OR2C1: variants seen among roughly 807,000 people sequenced by gnomAD.
The protein encoded by OR2C1 is olfactory receptor family 2 subfamily C member 1, also known as olfactory receptor 2C1.
For synonymous variants in OR2C1, 209 were observed against 167.3 expected (o/e 1.25, Z -1.92); for missense variants, 468 against 388.3 (o/e 1.21, Z -1.73).
chr16:3,336,674 CTTTTT>C, the OR2C1 span, among the ~76,000 whole-genome samples: 2 of 116,288 alleles, frequency 1.7e-5, no homozygotes, highest in Non-Finnish European at 3.3e-5. Context: ...GTTTCTTTTT[CTTTTT>C]TTTTTTTTCT....
Position 3,356,585 on chromosome 16 carries a change from G to A in OR2C1, c.645G>A (p.Val215=), listed in dbSNP as rs774311419. Residue 215 remains valine, a synonymous_variant, in exon 1 of 1, where the codon GTG becomes GTA. Coordinates refer to ENST00000304936, the MANE Select transcript of OR2C1 (RefSeq NM_012368.3). ...FFTAVPLSII[V]ISYCLIAQAV... ...CTGCAGTCCCACTAAGCATCATCGT[G>A]ATCTCCTACTGCCTCATTGCTCAGG... The A allele has an allele frequency of 6.2e-7, 1 of 1,614,138 alleles. No homozygotes were observed. The highest frequency in any genetic ancestry group is 8.5e-7 in the Non-Finnish European group (1 of 1,180,034).
At chr16:3,347,180 G>T in the OR2C1 span, among the ~76,000 whole-genome samples, 1 of 147,990 alleles carries the variant, frequency 6.8e-6, no homozygotes, top group South Asian at 2.2e-4. Context: ...CCGGGAGGCA[G>T]AGGTTGCAGT....
At chr16:3,323,490 T>G in the OR2C1 span, 1 of 737,140 alleles carries the variant, frequency 1.4e-6, no homozygotes, top group South Asian at 1.4e-5. Context: ...CGGACAGACT[T>G]CAGATTTGGA....
the OR2C1 span, among the ~76,000 whole-genome samples, chr16:3,331,354 G>A: frequency 6.6e-6 from 1 of 151,218 alleles, no homozygotes; most frequent in African/African-American, 2.4e-5. Context: ...TCACTCTGAT[G>A]GTAGTTTCTT....
chr16:3,356,552 C>G lies in OR2C1; in HGVS notation c.612C>G (p.Thr204=). The G allele has an allele frequency of 6.2e-7, 1 of 1,614,194 alleles. No individual in the cohort carries two copies. The highest frequency in any genetic ancestry group is 1.1e-5 in the South Asian group (1 of 91,090). The change falls in exon 1 of 1, where the codon ACC becomes ACG. Residue 204 remains threonine (T), a synonymous_variant. Coordinates refer to ENST00000304936, the MANE Select transcript of OR2C1 (RefSeq NM_012368.3). ...AGGCTGTGCTCAATGGTGTCTGCAC[C>G]TTCTTCACTGCAGTCCCACTAAGCA... The part of the protein sequence containing the change: ...LNQAVLNGVC[T]FFTAVPLSII...
chr16:3,348,285 T>C, the OR2C1 span, among the ~76,000 whole-genome samples: 1 of 152,132 alleles, frequency 6.6e-6, no homozygotes, highest in East Asian at 1.9e-4. Flanking sequence ...AGACCAATGA[T>C]GACAGTGAGC....
the OR2C1 span, among the ~76,000 whole-genome samples, chr16:3,330,832 C>G: frequency 6.6e-6 from 1 of 152,096 alleles, no homozygotes; most frequent in Non-Finnish European, 1.5e-5. Flanking sequence ...ATTTCAAATT[C>G]CTGGGCTCAA....
the OR2C1 span, among the ~76,000 whole-genome samples, chr16:3,330,610 ATATG>A: frequency 6.6e-6 from 1 of 152,216 alleles, no homozygotes; most frequent in African/African-American, 2.4e-5. Flanking sequence ...GATACATAAT[ATATG>A]TATGTATGTG....
In OR2C1 at chr16:3,356,393, T is replaced by G. The variant is rs761617073; in HGVS notation, c.453T>G (p.Gly151=). The G allele has an allele frequency of 5.6e-6, 9 of 1,613,548 alleles. No individual in the cohort carries two copies. In the East Asian group the frequency reaches 1.1e-4, roughly 20 times the overall value. ...CWLLAVIACL[G]GLGNSVIQST... ...TGCTGGCTGTGATTGCCTGCCTGGG[T>G]GGCTTGGGCAACTCTGTGATCCAGT... The change falls in exon 1 of 1, where the codon GGT becomes GGG. Residue 151 remains glycine, a synonymous_variant. Coordinates refer to ENST00000304936, the MANE Select transcript of OR2C1 (RefSeq NM_012368.3).
chr16:3,357,057 C>A lies in OR2C1; in HGVS notation c.*178C>A. 1 of 608,596 alleles carries A rather than the reference C, an allele frequency of 1.6e-6. No homozygotes were observed. Among genetic ancestry groups the A allele is most frequent in the Non-Finnish European group, 2.9e-6 (1 of 344,392 alleles). 37.7% of individuals were successfully genotyped at this position (608,596 alleles called of 1,614,324 possible). On this transcript the variant is annotated 3_prime_UTR_variant, in exon 1 of 1. Coordinates refer to ENST00000304936, the MANE Select transcript of OR2C1 (RefSeq NM_012368.3). ...CATGGTTAGTGTTATTCGTAATGTT[C>A]TACACTTATTTACCAAAAATCCTAC...
chr16:3,337,703 C>G, the OR2C1 span, among the ~76,000 whole-genome samples: 49 of 152,060 alleles, frequency 3.2e-4, 1 homozygote, highest in Non-Finnish European at 2.2e-4. Flanking sequence ...ATTTTGAATT[C>G]TGGGTCAGAG....
At chr16:3,333,248 T>TTTTTTTTTTTTTTTTTTTG in the OR2C1 span, among the ~76,000 whole-genome samples, 1 of 119,336 alleles carries the variant, frequency 8.4e-6, no homozygotes, top group Non-Finnish European at 1.7e-5. Flanking sequence ...TTTTTTTTTT[T>TTTTTTTTTTTTTTTTTTTG]GCTATTGAGT....
At chr16:3,336,822 C>T in the OR2C1 span, among the ~76,000 whole-genome samples, 1 of 149,518 alleles carries the variant, frequency 6.7e-6, no homozygotes, top group East Asian at 2.0e-4. Context: ...GATTCTTCTT[C>T]TTCAGCCTCC....
upstream of OR2C1, among the ~76,000 whole-genome samples, chr16:3,355,131 C>T (rs945766007): frequency 2.6e-4 from 39 of 151,918 alleles, no homozygotes; most frequent in Admixed American, 1.3e-4. Flanking sequence ...CTTTTCCATT[C>T]GGTGTGTAAC....
the OR2C1 span, among the ~76,000 whole-genome samples, chr16:3,330,981 G>C: frequency 1.3e-5 from 2 of 152,114 alleles, no homozygotes; most frequent in African/African-American, 4.8e-5. Flanking sequence ...CACAATGGTT[G>C]AACTAGTTTA....
the OR2C1 span, among the ~76,000 whole-genome samples, chr16:3,350,246 G>A: frequency 2.0e-5 from 3 of 151,024 alleles, no homozygotes; most frequent in East Asian, 6.0e-4. Context: ...AGTAGAGAGG[G>A]GGTTTCCCAT....
At chr16:3,339,560 C>T in the OR2C1 span, among the ~76,000 whole-genome samples, 1 of 152,122 alleles carries the variant, frequency 6.6e-6, no homozygotes, top group African/African-American at 2.4e-5. Flanking sequence ...GGGTTTACGA[C>T]ATTCTCCTAC....
At chr16:3,327,226 T>C in the OR2C1 span, among the ~76,000 whole-genome samples, 1 of 152,186 alleles carries the variant, frequency 6.6e-6, no homozygotes, top group Admixed American at 6.5e-5. Context: ...TTGTTTCATT[T>C]ATCCCCTCCA....
At chr16:3,344,905 T>C in the OR2C1 span, among the ~76,000 whole-genome samples, 1 of 152,152 alleles carries the variant, frequency 6.6e-6, no homozygotes, top group Non-Finnish European at 1.5e-5. Context: ...TGGACTCCCC[T>C]TTATGGACCA....
Sources: allele counts gnomAD v4.1 joint callset (sites outside exome capture counted in the v4.1 genomes callset), GRCh38; gene constraint gnomAD v4.1.1; transcripts MANE v1.5; gene names NCBI Gene and HGNC (gene_info 2026-07-23, HGNC 2026-07-21).